Variants in SETBP1 observed in about 807,000 individuals in gnomAD.
SETBP1 encodes the protein SET binding protein 1, also known as SET-binding protein.
In SETBP1, 9 loss-of-function variants were observed where a neutral mutation model predicts 101.0. The observed-to-expected ratio is 0.09, with a 90% CI of 0.05 to 0.16. The LOEUF (loss-of-function observed/expected upper bound fraction) is 0.16, where lower values mean the gene tolerates loss of function less well. SETBP1 is among the 10% of genes least tolerant of loss of function. The pLI is 1.00. For synonymous variants in SETBP1, 818 were observed against 788.5 expected (o/e 1.04, Z -0.63); for missense variants, 1,858 against 2,033.8 (o/e 0.91, Z 1.66).
At chr18:44,777,680 G>C (rs954484904) in intron 2 of SETBP1, among the ~76,000 whole-genome samples, 1 of 152,208 alleles carries the variant, frequency 6.6e-6, no homozygotes, top group East Asian at 1.9e-4. Flanking sequence ...GAGGAAAGCA[G>C]GGATGCATGT....
At chr18:44,857,758 G>A (rs2073007116) in intron 2 of SETBP1, among the ~76,000 whole-genome samples, 1 of 152,184 alleles carries the variant, frequency 6.6e-6, no homozygotes, top group Non-Finnish European at 1.5e-5. Context: ...GGTAGACTGT[G>A]AGTCAAGCAT....
Position 44,950,764 on chromosome 18 carries a change from C to G in SETBP1, c.1424C>G (p.Ser475Cys). 1 of 1,614,062 alleles carries G rather than the reference C, an allele frequency of 6.2e-7. No individual in the cohort carries two copies. Among genetic ancestry groups the G allele is most frequent in the Non-Finnish European group, 8.5e-7 (1 of 1,179,998 alleles). The change falls in exon 4 of 6, where the codon TCC becomes TGC. Residue 475 changes from serine to cysteine, a missense_variant. By Grantham distance (112) the Ser-to-Cys change is moderately radical. This residue lies in a region of SETBP1 where 581 missense variants were observed against 535.1 expected (regional missense o/e 1.09). Transcript: ENST00000649279. ...TTGAGTAAAATGATAGAGAATGAGT[C>G]CCCCTCAGTTGGCCTTGAAACTGGT... Reference protein sequence around the residue: ...PKLSKMIENESPSVGLETGGN... With the variant: ...PKLSKMIENECPSVGLETGGN...
At chr18:44,850,118 C>A (rs912036528) in intron 2 of SETBP1, among the ~76,000 whole-genome samples, 3 of 152,182 alleles carry the variant, frequency 2.0e-5, no homozygotes, top group Non-Finnish European at 4.4e-5. Context: ...AAAGTTGGAT[C>A]TGGAATGTTT....
At chr18:44,837,078 C>T (rs1337262295) in intron 2 of SETBP1, among the ~76,000 whole-genome samples, 1 of 152,248 alleles carries the variant, frequency 6.6e-6, no homozygotes, top group South Asian at 2.1e-4. Context: ...GCTCCATGGG[C>T]TAAGGACTTT....
intron 3 of SETBP1, among the ~76,000 whole-genome samples, chr18:44,936,866 A>C (rs936876064): frequency 4.2e-4 from 64 of 152,142 alleles, no homozygotes; most frequent in African/African-American, 1.5e-3. Context: ...GGAAGATCTC[A>C]AGCTCTGAAC....
intron 4 of SETBP1, among the ~76,000 whole-genome samples, chr18:45,000,824 A>ACT (rs2072602795): frequency 6.7e-6 from 1 of 149,448 alleles, no homozygotes; most frequent in Admixed American, 6.7e-5. Context: ...ACACACACAC[A>ACT]CTCCTAGGAA....
chr18:44,915,768 T>C (rs1258388713), intron 3 of SETBP1, among the ~76,000 whole-genome samples: 2 of 152,198 alleles, frequency 1.3e-5, no homozygotes, highest in Non-Finnish European at 2.9e-5. Context: ...CTAGGCAAAG[T>C]ATTCCACTTC....
intron 2 of SETBP1, among the ~76,000 whole-genome samples, chr18:44,773,202 A>G (rs1244924691): frequency 6.6e-6 from 1 of 152,224 alleles, no homozygotes; most frequent in Non-Finnish European, 1.5e-5. Flanking sequence ...AGCATAGCAT[A>G]TACACTAAGG....
At chr18:44,694,816 A>G (rs893116322) in intron 1 of SETBP1, among the ~76,000 whole-genome samples, 1 of 152,210 alleles carries the variant, frequency 6.6e-6, no homozygotes, top group African/African-American at 2.4e-5. Flanking sequence ...AAAACAAGGT[A>G]AAAGGAACAA....
intron 3 of SETBP1, among the ~76,000 whole-genome samples, chr18:44,880,670 C>T (rs1054227908): frequency 2.0e-5 from 3 of 152,144 alleles, no homozygotes; most frequent in Non-Finnish European, 4.4e-5. Flanking sequence ...AAAGGGAAAG[C>T]AGGCACATCA....
intron 4 of SETBP1, among the ~76,000 whole-genome samples, chr18:44,979,147 A>C (rs186520054): frequency 6.6e-6 from 1 of 152,208 alleles, no homozygotes; most frequent in African/African-American, 2.4e-5. Flanking sequence ...TGCTACCACA[A>C]CACCATGAGA....
At chr18:44,699,483 T>G (rs974949784) in intron 1 of SETBP1, among the ~76,000 whole-genome samples, 4 of 152,152 alleles carry the variant, frequency 2.6e-5, no homozygotes, top group Non-Finnish European at 2.9e-5. Context: ...AGACAAAAAA[T>G]CTTATCAGTA....
intron 4 of SETBP1, among the ~76,000 whole-genome samples, chr18:45,028,133 G>A (rs937823547): frequency 6.6e-6 from 1 of 151,394 alleles, no homozygotes; most frequent in Admixed American, 6.6e-5. Flanking sequence ...TTAGCATTAG[G>A]TATATCTCCT....
At chr18:44,806,696 T>C (rs1202388769) in intron 2 of SETBP1, among the ~76,000 whole-genome samples, 1 of 132,528 alleles carries the variant, frequency 7.5e-6, no homozygotes, top group Non-Finnish European at 1.6e-5. Flanking sequence ...AGAGATAGGG[T>C]CTTGTTACAT....
chr18:44,734,103 G>A (rs2069906834), intron 2 of SETBP1, among the ~76,000 whole-genome samples: 1 of 152,090 alleles, frequency 6.6e-6, no homozygotes, highest in Non-Finnish European at 1.5e-5. Flanking sequence ...CCTGGTCCAG[G>A]GGCTTTCTAG....
intron 2 of SETBP1, among the ~76,000 whole-genome samples, chr18:44,748,060 A>G (rs1186814019): frequency 6.6e-6 from 1 of 152,186 alleles, no homozygotes; most frequent in Non-Finnish European, 1.5e-5. Context: ...GCACTGGAGT[A>G]CAGGACTCTG....
At chr18:44,861,065 C>G (rs1293903447) in intron 2 of SETBP1, among the ~76,000 whole-genome samples, 1 of 152,032 alleles carries the variant, frequency 6.6e-6, no homozygotes, top group Non-Finnish European at 1.5e-5. Flanking sequence ...ATACAATATA[C>G]CAGTAAAAGT....
chr18:44,747,222 C>A (rs1224760902), intron 2 of SETBP1, among the ~76,000 whole-genome samples: 1 of 152,174 alleles, frequency 6.6e-6, no homozygotes, highest in African/African-American at 2.4e-5. Context: ...CCTTCATGAC[C>A]CCCAGGGGTT....
At chr18:44,981,323 G>A (rs2072108610) in intron 4 of SETBP1, among the ~76,000 whole-genome samples, 1 of 152,120 alleles carries the variant, frequency 6.6e-6, no homozygotes, top group Admixed American at 6.5e-5. Context: ...AGAGCCAGTT[G>A]GCTTCAGGAG....
Sources: allele counts gnomAD v4.1 joint callset (sites outside exome capture counted in the v4.1 genomes callset), GRCh38; gene constraint gnomAD v4.1.1; regional missense constraint gnomAD v4.1.1; transcripts MANE v1.5; gene names NCBI Gene and HGNC (gene_info 2026-07-23, HGNC 2026-07-21).